Variants in SUPT3H observed in about 807,000 individuals in gnomAD.
The protein encoded by SUPT3H is transcription initiation protein SPT3 homolog.
A neutral mutation model predicts 44.3 loss-of-function variants in SUPT3H; 44 were observed. The ratio of observed to expected loss-of-function variants is 0.99; its 90% confidence interval spans 0.78 to 1.28. The LOEUF (loss-of-function observed/expected upper bound fraction) is 1.28, where lower values mean the gene tolerates loss of function less well. Ranked by LOEUF, SUPT3H falls within the 50% of genes most tolerant of loss-of-function variation. The pLI, the probability that SUPT3H is intolerant of heterozygous loss-of-function variation, is 0.00. For synonymous variants in SUPT3H, 124 were observed against 125.6 expected, an observed-to-expected ratio of 0.99 and a Z score of 0.09; for missense variants, 380 against 387.1, an observed-to-expected ratio of 0.98 and a Z score of 0.15.
chr6:45,164,081 A>T (rs1809467235), intron 2 of SUPT3H, among the ~76,000 whole-genome samples: 1 of 152,146 alleles, frequency 6.6e-6, no homozygotes, highest in Non-Finnish European at 1.5e-5. Context: ...AAGGTCTAAC[A>T]GGGAGACACT....
intron 10 of SUPT3H, among the ~76,000 whole-genome samples, chr6:44,855,377 T>C (rs1215608102): frequency 2.0e-5 from 3 of 152,122 alleles, no homozygotes; most frequent in Non-Finnish European, 4.4e-5. Flanking sequence ...CTGGCTCTAG[T>C]GTGCTCAGAA....
At chr6:45,335,481 T>G (rs1401456571) in intron 2 of SUPT3H, among the ~76,000 whole-genome samples, 1 of 151,298 alleles carries the variant, frequency 6.6e-6, no homozygotes, top group Non-Finnish European at 1.5e-5. Flanking sequence ...AATTTTATTA[T>G]AAGATACTTT....
chr6:45,205,502 C>T (rs1195321338), intron 2 of SUPT3H, among the ~76,000 whole-genome samples: 3 of 151,900 alleles, frequency 2.0e-5, no homozygotes, highest in Non-Finnish European at 4.4e-5. Flanking sequence ...GAAAAGGAAG[C>T]TCAAAAAAGC....
intron 10 of SUPT3H, among the ~76,000 whole-genome samples, chr6:44,854,456 C>G (rs1382148628): frequency 6.6e-6 from 1 of 152,152 alleles, no homozygotes; most frequent in Non-Finnish European, 1.5e-5. Flanking sequence ...ACAGTAGATA[C>G]TAGGAGTCAT....
intron 2 of SUPT3H, among the ~76,000 whole-genome samples, chr6:45,126,278 G>A (rs904845023): frequency 3.3e-5 from 5 of 152,150 alleles, no homozygotes; most frequent in African/African-American, 1.2e-4. Context: ...CCTGTATGAA[G>A]CTTAAGTCCA....
intron 10 of SUPT3H, among the ~76,000 whole-genome samples, chr6:44,840,206 G>C (rs1770719340): frequency 6.6e-6 from 1 of 152,158 alleles, no homozygotes; most frequent in Non-Finnish European, 1.5e-5. Flanking sequence ...ATGTAAACAG[G>C]CATTCTATAA....
chr6:44,975,501 G>A (rs916305135), intron 6 of SUPT3H, among the ~76,000 whole-genome samples: 5 of 151,120 alleles, frequency 3.3e-5, no homozygotes, highest in African/African-American at 1.2e-4. Context: ...ATTATCTTAT[G>A]TTCTCACTTA....
intron 2 of SUPT3H, among the ~76,000 whole-genome samples, chr6:45,147,580 C>T (rs969371402): frequency 1.3e-5 from 2 of 151,324 alleles, no homozygotes; most frequent in African/African-American, 4.9e-5. Flanking sequence ...AGGGACCTGA[C>T]CAGACAAATA....
intron 10 of SUPT3H, among the ~76,000 whole-genome samples, chr6:44,846,268 A>G (rs904989582): frequency 1.3e-5 from 2 of 152,234 alleles, no homozygotes; most frequent in Non-Finnish European, 2.9e-5. Flanking sequence ...CTTGTCAATC[A>G]TGAACTTTTC....
intron 4 of SUPT3H, among the ~76,000 whole-genome samples, chr6:45,016,312 T>G (rs1353288880): frequency 1.3e-5 from 2 of 151,984 alleles, no homozygotes; most frequent in Admixed American, 6.6e-5. Context: ...TACCTGACTA[T>G]AATTGTTTTT....
chr6:44,986,730 T>C (rs887255484), intron 6 of SUPT3H, among the ~76,000 whole-genome samples: 2 of 152,166 alleles, frequency 1.3e-5, no homozygotes, highest in African/African-American at 2.4e-5. Flanking sequence ...AATATATTTA[T>C]TGAGCATCTA....
intron 9 of SUPT3H, among the ~76,000 whole-genome samples, chr6:44,945,129 G>A (rs1372676329): frequency 6.6e-5 from 10 of 151,716 alleles, no homozygotes; most frequent in African/African-American, 2.4e-4. Context: ...GTGATCTTTA[G>A]TGTTACTATT....
chr6:44,947,021 G>A (rs941977891), intron 9 of SUPT3H, among the ~76,000 whole-genome samples: 2 of 151,962 alleles, frequency 1.3e-5, no homozygotes, highest in African/African-American at 2.4e-5. Flanking sequence ...CATTAACATC[G>A]AGGCAAAACC....
intron 2 of SUPT3H, among the ~76,000 whole-genome samples, chr6:45,329,694 C>G (rs1017546470): frequency 6.6e-6 from 1 of 151,872 alleles, no homozygotes; most frequent in African/African-American, 2.4e-5. Flanking sequence ...AACTATTAAA[C>G]CATGCTGGAC....
chr6:45,362,860 C>A (rs1794500698), intron 2 of SUPT3H, among the ~76,000 whole-genome samples: 1 of 151,944 alleles, frequency 6.6e-6, no homozygotes, highest in African/African-American at 2.4e-5. Context: ...TAAAATGGCC[C>A]AAGGTCCATC....
At chr6:45,219,986 C>T (rs1048281471) in intron 2 of SUPT3H, among the ~76,000 whole-genome samples, 2 of 138,166 alleles carry the variant, frequency 1.4e-5, no homozygotes, top group African/African-American at 5.5e-5. Context: ...TTTCAGTGAG[C>T]CGAGACCATG....
chr6:44,933,272 C>T (rs1190446568), intron 9 of SUPT3H, among the ~76,000 whole-genome samples: 1 of 150,924 alleles, frequency 6.6e-6, no homozygotes, highest in Non-Finnish European at 1.5e-5. Context: ...TTCTAATTTT[C>T]TAGGTATCTC....
chr6:45,187,807 C>T (rs922627229), intron 2 of SUPT3H, among the ~76,000 whole-genome samples: 1 of 152,114 alleles, frequency 6.6e-6, no homozygotes, highest in African/African-American at 2.4e-5. Context: ...GCAAAATCAT[C>T]AACAAAATGT....
intron 10 of SUPT3H, among the ~76,000 whole-genome samples, chr6:44,909,931 C>A (rs775675421): frequency 6.6e-6 from 1 of 152,172 alleles, no homozygotes; most frequent in African/African-American, 2.4e-5. Flanking sequence ...AGAACTCTCA[C>A]GAATTGCTGG....
Sources: allele counts gnomAD v4.1 joint callset (sites outside exome capture counted in the v4.1 genomes callset), GRCh38; gene constraint gnomAD v4.1.1; transcripts MANE v1.5; gene names NCBI Gene and HGNC (gene_info 2026-07-23, HGNC 2026-07-21).